Variants in TBL1X observed in about 807,000 individuals in gnomAD.
The protein encoded by TBL1X is F-box-like/WD repeat-containing protein TBL1X.
Under a neutral mutation model 50.7 loss-of-function variants are expected in TBL1X, and 10 were observed. The observed-to-expected ratio is 0.20, with a 90% CI of 0.12 to 0.33. TBL1X has a LOEUF of 0.33. TBL1X is among the 10% of genes least tolerant of loss of function. The pLI is 1.00. For synonymous variants in TBL1X, 190 were observed against 214.7 expected (o/e 0.88, Z 1.01); for missense variants, 340 against 504.4 (o/e 0.67, Z 3.12).
chrX:9,692,006 C>T, intron 8 of TBL1X, 107 bp from the exon 9 acceptor site: 1 of 1,131,062 alleles, frequency 8.8e-7, no homozygotes, highest in Non-Finnish European at 1.2e-6. Flanking sequence ...ATGAAAAAGA[C>T]AGAAGAGCAT....
chrX:9,642,063 G>A (rs2082778451), intron 3 of TBL1X, among the ~76,000 whole-genome samples: 1 of 111,608 alleles, frequency 9.0e-6, no homozygotes, highest in African/African-American at 3.3e-5. Flanking sequence ...TTTTCGAAAT[G>A]CCATTGAACC....
intron 6 of TBL1X, 128 bp downstream of exon 6, chrX:9,684,316 G>A: frequency 1.1e-6 from 1 of 941,982 alleles, no homozygotes; most frequent in South Asian, 2.5e-5. Context: ...AGGGTGCAGT[G>A]GCTCATGCCT....
At chrX:9,496,970 C>T (rs1004976825) in intron 1 of TBL1X, among the ~76,000 whole-genome samples, 1 of 111,899 alleles carries the variant, frequency 8.9e-6, no homozygotes, top group Non-Finnish European at 1.9e-5. Context: ...AAAATTCCAT[C>T]GTTGAAAACA....
At chrX:9,696,806 G>T (rs1363599407) in intron 11 of TBL1X, among the ~76,000 whole-genome samples, 2 of 112,724 alleles carry the variant, frequency 1.8e-5, no homozygotes, top group Non-Finnish European at 3.7e-5. Flanking sequence ...AATTTTGGTA[G>T]TTCTTGCAAG....
intron 1 of TBL1X, among the ~76,000 whole-genome samples, chrX:9,495,675 C>T (rs1283273799): frequency 2.7e-5 from 3 of 111,491 alleles, no homozygotes; most frequent in African/African-American, 6.5e-5. Flanking sequence ...CTGTGACTCA[C>T]GCCTGGCCGA....
chrX:9,655,491 T>A (rs1353128262), intron 5 of TBL1X, among the ~76,000 whole-genome samples: 1 of 111,849 alleles, frequency 8.9e-6, no homozygotes, highest in Non-Finnish European at 1.9e-5. Context: ...AATAATTACA[T>A]CTGCAGTGAC....
intron 2 of TBL1X, among the ~76,000 whole-genome samples, chrX:9,618,566 C>CT (rs2082650940): frequency 9.0e-6 from 1 of 111,620 alleles, no homozygotes; most frequent in Admixed American, 9.5e-5. Flanking sequence ...GTAATCCCAG[C>CT]TACTTGGGAG....
intron 2 of TBL1X, among the ~76,000 whole-genome samples, chrX:9,510,921 T>G (rs1601723880): frequency 9.0e-6 from 1 of 111,688 alleles, no homozygotes; most frequent in Non-Finnish European, 1.9e-5. Context: ...TTAGAATCTG[T>G]CCATCTGTCC....
In TBL1X at chrX:9,474,927, G is replaced by A. The variant is rs143196064; in HGVS notation, c.-201+9480G>A. Among the ~76,000 whole-genome samples the A allele has an allele frequency of 9.8e-4, 110 of 112,700 alleles. 2 individuals carry two copies. In the East Asian group the frequency reaches 0.023, roughly 24 times the overall value. On this transcript the variant is annotated intron_variant, in intron 1 of 17. Coordinates refer to ENST00000645353, the MANE Select transcript of TBL1X (RefSeq NM_005647.4). ...CTCACTCTGTCGCCTAGGCTAGAGT[G>A]TAGTGGCGTGATCTCAGCTCACTGC... is the stretch of plus-strand genomic sequence containing the variant.
At chrX:9,700,053 C>G (rs1438408917) in intron 12 of TBL1X, among the ~76,000 whole-genome samples, 1 of 112,572 alleles carries the variant, frequency 8.9e-6, no homozygotes, top group Non-Finnish European at 1.9e-5. Context: ...ACTCCACCTA[C>G]AGCCTGTGAT....
In TBL1X at chrX:9,539,951, GT is replaced by G. The variant is rs753279166; in HGVS notation, c.-131+38103del. Among the ~76,000 whole-genome samples the G allele has an allele frequency of 6.1e-3, 689 of 112,684 alleles. 6 individuals carry two copies. Among genetic ancestry groups the G allele is most frequent in the African/African-American group, 0.022 (672 of 31,040 alleles). On this transcript the variant is annotated intron_variant, in intron 2 of 17. Transcript: ENST00000645353. Reference sequence around the variant, plus strand: ...CAGGACTTATTTGGCTCTAGATGGGGTCTTAAAAGACATTCATAGTTGCAGG... The same window carrying G: ...CAGGACTTATTTGGCTCTAGATGGGGCTTAAAAGACATTCATAGTTGCAGG...
intron 2 of TBL1X, among the ~76,000 whole-genome samples, chrX:9,512,935 A>T (rs1369493149): frequency 9.0e-6 from 1 of 110,912 alleles, no homozygotes. Flanking sequence ...TATTTGAAAA[A>T]CCAGCGTGGT....
At chrX:9,620,968 C>T (rs1014577465) in intron 2 of TBL1X, among the ~76,000 whole-genome samples, 1 of 111,843 alleles carries the variant, frequency 8.9e-6, no homozygotes, top group Non-Finnish European at 1.9e-5. Flanking sequence ...AGAATGTCAG[C>T]GGACGTGCAT....
In TBL1X at chrX:9,594,003, G is replaced by A. The variant is rs2082515569; in HGVS notation, c.-130-46270G>A. Among the ~76,000 whole-genome samples the A allele has an allele frequency of 1.8e-5, 2 of 112,410 alleles. 1 individual carries two copies. Among genetic ancestry groups the A allele is most frequent in the South Asian group, 7.3e-4 (2 of 2,748 alleles). On this transcript the variant is annotated intron_variant, in intron 2 of 17. Transcript: ENST00000645353. ...TTGCGCTGCACTGGTGATGCCCGAT[G>A]TAGCTGAAACTCTGCCCCGCTCGGG... is the stretch of plus-strand genomic sequence containing the variant.
chrX:9,463,783 A>G (rs770818192), upstream of TBL1X, among the ~76,000 whole-genome samples: 8 of 112,152 alleles, frequency 7.1e-5, no homozygotes, highest in South Asian at 1.1e-3. Flanking sequence ...AATCCCAGCT[A>G]CTCGGGAGGC....
At chrX:9,557,216 T>C (rs766919764) in intron 2 of TBL1X, among the ~76,000 whole-genome samples, 6 of 112,174 alleles carry the variant, frequency 5.3e-5, no homozygotes, top group Non-Finnish European at 9.4e-5. Context: ...AACGCCCTAC[T>C]TTGCTGGCTG....
chrX:9,528,790 G>T (rs1601735143), intron 2 of TBL1X, among the ~76,000 whole-genome samples: 1 of 110,284 alleles, frequency 9.1e-6, no homozygotes, highest in African/African-American at 3.3e-5. Flanking sequence ...GAACCCATGG[G>T]TGCTCTGGGT....
intron 12 of TBL1X, among the ~76,000 whole-genome samples, chrX:9,699,325 A>G (rs960034118): frequency 4.5e-5 from 5 of 111,927 alleles, no homozygotes; most frequent in Non-Finnish European, 9.4e-5. Flanking sequence ...AAACAAAGAC[A>G]GATGGCCACC....
intron 2 of TBL1X, among the ~76,000 whole-genome samples, chrX:9,594,767 C>A (rs1199773859): frequency 8.9e-6 from 1 of 112,014 alleles, no homozygotes; most frequent in African/African-American, 3.2e-5. Flanking sequence ...AAATGGTTTT[C>A]ATTTCCCCTC....
Sources: allele counts gnomAD v4.1 joint callset (sites outside exome capture counted in the v4.1 genomes callset), GRCh38; gene constraint gnomAD v4.1.1; transcripts MANE v1.5; gene names NCBI Gene and HGNC (gene_info 2026-07-23, HGNC 2026-07-21).